CNTROB: variants seen among roughly 807,000 people sequenced by gnomAD.
CNTROB encodes centrobin.
Under a neutral mutation model 115.7 loss-of-function variants are expected in CNTROB, and 82 were observed. That is an observed-to-expected ratio of 0.71 (90% CI 0.59 to 0.85). The LOEUF (loss-of-function observed/expected upper bound fraction) is 0.85. Among genes scored for constraint, CNTROB ranks in the 40% least tolerant of loss-of-function variants. CNTROB has a pLI of 0.00. For synonymous variants in CNTROB, 439 were observed against 456.4 expected, an observed-to-expected ratio of 0.96 and a Z score of 0.49; for missense variants, 1,014 against 1,144.4, an observed-to-expected ratio of 0.89 and a Z score of 1.64.
chr17:7,936,878 G>A, intron 6 of CNTROB, 61 bp downstream of exon 6: 3 of 830,558 alleles, frequency 3.6e-6, no homozygotes, highest in African/African-American at 1.7e-5. Flanking sequence ...ATGGAAAGGG[G>A]CAGAAATAGC....
In CNTROB at chr17:7,944,929, G is replaced by T. The variant is rs748236588; in HGVS notation, c.1734+291G>T. Among the ~76,000 whole-genome samples the T allele has an allele frequency of 8.5e-5, 13 of 152,132 alleles. No homozygotes were observed. The highest frequency in any genetic ancestry group is 1.8e-4 in the Non-Finnish European group (12 of 68,030). ...TCAGCTCCTAAGGCCTACATCAGGG[G>T]AGAAAAATCGGTGGACTTTACAAAT... On this transcript the variant is annotated intron_variant, in intron 12 of 18. Transcript: ENST00000563694. This position sits in a 1 kb window ranked among gnomAD's most constrained non-coding sequence, Gnocchi z 4.0.
chr17:7,943,554 C>G lies in CNTROB; in HGVS notation c.1445+30C>G, dbSNP rs935323501. 1.3e-5 allele frequency: 21 copies of G among 1,599,374 alleles called. No individual in the cohort carries two copies. The highest frequency in any genetic ancestry group is 1.7e-5 in the Non-Finnish European group (20 of 1,170,006). ...GTGGGACTCACTGGGTGTCACTTCT[C>G]TCAGCCACAGCACGTATCGTTAGTG... is the stretch of plus-strand genomic sequence containing the variant. On this transcript the variant is annotated intron_variant, in intron 10 of 18. Transcript: ENST00000563694. This position sits in a 1 kb window ranked among gnomAD's most constrained non-coding sequence, Gnocchi z 4.7.
chr17:7,941,484 G>A (rs140923674), intron 9 of CNTROB, among the ~76,000 whole-genome samples: 195 of 151,430 alleles, frequency 1.3e-3, no homozygotes, highest in Admixed American at 1.3e-3. Context: ...CTGTAGTCCC[G>A]GCTACTAAGA....
In CNTROB at chr17:7,947,722, G is replaced by C. The variant is rs1344613060; in HGVS notation, c.2145G>C (p.Gln715His). 6.2e-7 allele frequency: 1 copy of C among 1,609,216 alleles called. No homozygotes were observed. Among genetic ancestry groups the C allele is most frequent in the Non-Finnish European group, 8.5e-7 (1 of 1,176,814 alleles). The change falls in exon 14 of 19, where the codon CAG becomes CAC. Residue 715 changes from glutamine (Q) to histidine (H), a missense_variant and splice_region_variant. Gln to His is a conservative substitution (Grantham distance 24). Coordinates refer to ENST00000563694, the MANE Select transcript of CNTROB (RefSeq NM_053051.5). ...QLEGLKNFLH[Q>H]LLETVPQNNE... is the part of the protein sequence containing the mutation. Reference sequence around the variant, plus strand: ...AGGGCCTCAAGAATTTTTTGCACCAGGTAAGAGAGATTCCACCCAGACTAG... The same window carrying C: ...AGGGCCTCAAGAATTTTTTGCACCACGTAAGAGAGATTCCACCCAGACTAG...
At position 7,936,682 on chromosome 17, in the gene CNTROB, C is replaced by G. The variant is rs769333123; in HGVS notation, c.712-19C>G. ...CAAAAAAGTTATTTTGAAATTTCAT[C>G]TTACTTGCCCTACCTAAGACCCTGG... On this transcript the variant is annotated intron_variant, in intron 5 of 18. Transcript: ENST00000563694. 1.6e-5 allele frequency: 18 copies of G among 1,094,792 alleles called. No individual in the cohort carries two copies. Among genetic ancestry groups the G allele is most frequent in the Non-Finnish European group, 2.1e-5 (15 of 705,334 alleles). 67.8% of individuals were successfully genotyped at this position (1,094,792 alleles called of 1,614,324 possible).
chr17:7,936,217 T>G, intron 4 of CNTROB, 149 bp from the exon 5 acceptor site: 1 of 652,942 alleles, frequency 1.5e-6, no homozygotes, highest in Non-Finnish European at 2.8e-6. Flanking sequence ...CTTCAGAATT[T>G]TCCTGATTCT....
In CNTROB at chr17:7,932,813, T is replaced by C. The variant is rs536056390; in HGVS notation, c.-267T>C. 2.2e-6 allele frequency: 1 copy of C among 453,162 alleles called. No homozygotes were observed. The highest frequency in any genetic ancestry group is 3.4e-5 in the South Asian group (1 of 29,544). The allele number at this position is 453,162 out of a possible 1,614,324, so 28.1% of individuals were successfully genotyped here. ...CTGTTGTCCCACAGTAGGTCTTCTGTCCGCACCCGCTCTGCGCTGCACCCT... is the reference window on the plus strand; with the variant it reads ...CTGTTGTCCCACAGTAGGTCTTCTGCCCGCACCCGCTCTGCGCTGCACCCT... On this transcript the variant is annotated 5_prime_UTR_variant, in exon 1 of 19. Transcript: ENST00000563694.
In CNTROB at chr17:7,943,149, G is replaced by A. The variant is rs992352911; in HGVS notation, c.1312-242G>A. Among the ~76,000 whole-genome samples, 1 of 152,064 alleles carries A rather than the reference G, an allele frequency of 6.6e-6. No homozygotes were observed. Among genetic ancestry groups the A allele is most frequent in the African/African-American group, 2.4e-5 (1 of 41,380 alleles). ...GTAGAATGGATTTGATTGCTCTGTC[G>A]AACATTTATTTTAGCTAAGAAATTT... On this transcript the variant is annotated intron_variant, in intron 9 of 18. Transcript: ENST00000563694. The surrounding 1 kb of genome is among the most constrained non-coding windows in gnomAD (Gnocchi z 4.7).
intron 4 of CNTROB, chr17:7,935,659 C>T (rs1489645393): frequency 5.4e-5 from 9 of 166,028 alleles, no homozygotes. Context: ...TTTCATGTAG[C>T]TTATCGTTCT....
chr17:7,949,726 GA>G lies in CNTROB; in HGVS notation c.*217del, dbSNP rs1975004428. The G allele has an allele frequency of 2.3e-6, 1 of 431,608 alleles. No individual in the cohort carries two copies. Among genetic ancestry groups the G allele is most frequent in the African/African-American group, 2.0e-5 (1 of 48,848 alleles). 26.7% of individuals were successfully genotyped at this position (431,608 alleles called of 1,614,324 possible). On this transcript the variant is annotated 3_prime_UTR_variant, in exon 19 of 19. Coordinates refer to ENST00000563694, the MANE Select transcript of CNTROB (RefSeq NM_053051.5). ...GGGAAAAGACATGAATGCTTTGGAA[GA>G]CGGTCTATGACAAGATTTGGAAAGT...
At position 7,949,564 on chromosome 17, in the gene CNTROB, G is replaced by A. The variant is rs1598123525; in HGVS notation, c.*54G>A. ...TCTCATTGTTGTTATTTTAATAAAT[G>A]CTCATTAGTCTGTATCAGAGTCTCT... On this transcript the variant is annotated 3_prime_UTR_variant, in exon 19 of 19. Transcript: ENST00000563694. 2 of 1,534,814 alleles carry A rather than the reference G, an allele frequency of 1.3e-6. No homozygotes were observed. The highest frequency in any genetic ancestry group is 4.6e-5 in the East Asian group (2 of 43,836).
rs1974815575 is a variant in CNTROB at position 7,948,433 on chromosome 17, G to A, written c.2381-54G>A. 1 of 1,611,468 alleles carries A rather than the reference G, an allele frequency of 6.2e-7. No individual in the cohort carries two copies. Among genetic ancestry groups the A allele is most frequent in the Admixed American group, 1.7e-5 (1 of 59,974 alleles). ...TGAATTCCTGGGGAAATGGGCTGAG[G>A]GCTGGGGAGACAGGCCCTAGGATGA... On this transcript the variant is annotated intron_variant, in intron 16 of 18. Coordinates refer to ENST00000563694, the MANE Select transcript of CNTROB (RefSeq NM_053051.5). The surrounding 1 kb of genome is among the most constrained non-coding windows in gnomAD (Gnocchi z 4.4).
chr17:7,933,966 T>C (rs1881743351), intron 1 of CNTROB, among the ~76,000 whole-genome samples, 172 bp from the exon 2 acceptor site: 1 of 152,202 alleles, frequency 6.6e-6, no homozygotes, highest in South Asian at 2.1e-4. Flanking sequence ...ATTTACACTC[T>C]CTTTCTGGCT....
At position 7,932,855 on chromosome 17, in the gene CNTROB, G is replaced by A; in HGVS notation, c.-225G>A. 1.7e-6 allele frequency: 1 copy of A among 573,492 alleles called. No individual in the cohort carries two copies. The highest frequency in any genetic ancestry group is 4.6e-4 in the Middle Eastern group (1 of 2,168). The allele number at this position is 573,492 out of a possible 1,614,324, so 35.5% of individuals were successfully genotyped here. A position where few individuals can be genotyped will look rare whatever the true frequency, so the allele number is the denominator to read the frequency against. ...CTGCACCCTCTTAACGCTGTTCCCA[G>A]GAGCTGGGGAAAGGGATGCTTTTGC... On this transcript the variant is annotated 5_prime_UTR_variant, in exon 1 of 19. Coordinates refer to ENST00000563694, the MANE Select transcript of CNTROB (RefSeq NM_053051.5).
At chr17:7,934,017 C>G in intron 1 of CNTROB, 121 bp from the exon 2 acceptor site, 1 of 735,588 alleles carries the variant, frequency 1.4e-6, no homozygotes, top group Non-Finnish European at 2.4e-6. Flanking sequence ...TAGGACATCC[C>G]TTATTGGATC....
Position 7,944,016 on chromosome 17 carries a change from G to A in CNTROB, c.1446-107G>A. 1.2e-6 allele frequency: 1 copy of A among 806,632 alleles called. No individual in the cohort carries two copies. Among genetic ancestry groups the A allele is most frequent in the Admixed American group, 2.3e-5 (1 of 44,222 alleles). 50.0% of individuals were successfully genotyped at this position (806,632 alleles called of 1,614,324 possible). ...TTCCTGTGCCATGGCCAGGCTAGCT[G>A]ACTGGCTATCTGGGTCACTGTCATG... On this transcript the variant is annotated intron_variant, in intron 10 of 18. Transcript: ENST00000563694. This position sits in a 1 kb window ranked among gnomAD's most constrained non-coding sequence, Gnocchi z 4.0.
At chr17:7,936,988 G>A in intron 6 of CNTROB, among the ~76,000 whole-genome samples, 171 bp downstream of exon 6, 1 of 152,184 alleles carries the variant, frequency 6.6e-6, no homozygotes, top group East Asian at 1.9e-4. Context: ...CGTTTCTGCT[G>A]TCCAACTTGA....
chr17:7,938,664 A>G (rs1973488943), intron 7 of CNTROB, among the ~76,000 whole-genome samples: 1 of 152,212 alleles, frequency 6.6e-6, no homozygotes, highest in Non-Finnish European at 1.5e-5. Context: ...TATGCCTAAG[A>G]ACACATAGTA....
Position 7,948,133 on chromosome 17 carries a change from C to A in CNTROB, c.2210-24C>A, listed in dbSNP as rs1296647143. 6.2e-7 allele frequency: 1 copy of A among 1,613,866 alleles called. No homozygotes were observed. The highest frequency in any genetic ancestry group is 8.5e-7 in the Non-Finnish European group (1 of 1,179,834). On this transcript the variant is annotated intron_variant, in intron 15 of 18. Transcript: ENST00000563694. The surrounding 1 kb of genome is among the most constrained non-coding windows in gnomAD (Gnocchi z 4.4). ...TGGTTCTATGCCCCATTTCCTGATT[C>A]TTGGCATTCTTTCCTTTTGCTAGGT...
Sources: gnomAD v4.1 joint callset for allele counts (sites outside exome capture counted in the v4.1 genomes callset) on GRCh38, gnomAD v4.1.1 for gene constraint, Gnocchi (gnomAD v3.1) non-coding constraint, MANE v1.5 for transcripts, NCBI Gene and HGNC (gene_info 2026-07-23, HGNC 2026-07-21) for gene names.